The following CD163L1 variants were observed in gnomAD, a reference collection of about 807,000 sequenced individuals.
CD163L1 encodes the protein CD163 molecule like 1, also known as scavenger receptor cysteine-rich type 1 protein M160.
A neutral mutation model predicts 165.4 loss-of-function variants in CD163L1; 124 were observed. That is an observed-to-expected ratio of 0.75 (90% CI 0.65 to 0.87). The LOEUF (loss-of-function observed/expected upper bound fraction) is 0.87. Among genes scored for constraint, CD163L1 ranks in the 40% least tolerant of loss-of-function variants. CD163L1 has a pLI of 0.00. For missense variants in CD163L1, 1,525 were observed against 1,799.9 expected (o/e 0.85, Z 2.76); for synonymous variants, 585 against 662.2 (o/e 0.88, Z 1.79).
At chr12:7,399,321 CTCTCTCTTCTTTCAT>C (rs202111581) in intron 6 of CD163L1, among the ~76,000 whole-genome samples, 3,837 of 135,548 alleles carry the variant, frequency 0.028, 81 homozygotes, top group East Asian at 0.074. Flanking sequence ...TTTCTTTCTT[CTCTCTCTTCTTTCAT>C]TCTCTCTTCT....
Position 7,432,401 on chromosome 12 carries a change from G to A in CD163L1, c.766+15C>T, listed in dbSNP as rs1007697169. The stretch of plus-strand genomic sequence containing the variant: ...AAATTGTTCCTTTCTTCTACATGAT[G>A]TCTTGGGTTCTTACCATAACAAGTT... On this transcript the variant is annotated intron_variant, in intron 4 of 19. Coordinates refer to ENST00000313599, the MANE Select transcript of CD163L1 (RefSeq NM_174941.6). This position sits in a 1 kb window ranked among gnomAD's most constrained non-coding sequence, Gnocchi z 4.2. 9 of 1,577,216 alleles carry A rather than the reference G, an allele frequency of 5.7e-6. No individual in the cohort carries two copies. Among genetic ancestry groups the A allele is most frequent in the Non-Finnish European group, 7.8e-6 (9 of 1,151,988 alleles).
At chr12:7,435,089 TACAC>T (rs76941329) in intron 2 of CD163L1, among the ~76,000 whole-genome samples, 1 of 151,788 alleles carries the variant, frequency 6.6e-6, no homozygotes, top group African/African-American at 2.4e-5. Flanking sequence ...ATGTAGTTGA[TACAC>T]ACACACACAG....
chr12:7,435,455 A>G (rs1323454238), intron 2 of CD163L1, among the ~76,000 whole-genome samples: 2 of 151,982 alleles, frequency 1.3e-5, no homozygotes, highest in Non-Finnish European at 2.9e-5. Flanking sequence ...AGGCATGACC[A>G]TTAAATACAT....
intron 2 of CD163L1, among the ~76,000 whole-genome samples, chr12:7,437,157 T>A (rs965269279): frequency 1.4e-5 from 1 of 69,384 alleles, no homozygotes; most frequent in Non-Finnish European, 2.4e-5. Context: ...TATTATACTT[T>A]TATTTTTATT....
chr12:7,331,670 C>A, the CD163L1 span, among the ~76,000 whole-genome samples: 4 of 152,346 alleles, frequency 2.6e-5, no homozygotes, highest in East Asian at 7.7e-4. Flanking sequence ...CCTAGGCAAA[C>A]AGGGTCTGGA....
At position 7,374,542 on chromosome 12, in the gene CD163L1, C is replaced by G; in HGVS notation, c.3309G>C (p.Leu1103=). 6.2e-7 allele frequency: 1 copy of G among 1,614,208 alleles called. No homozygotes were observed. The highest frequency in any genetic ancestry group is 8.5e-7 in the Non-Finnish European group (1 of 1,180,034). The change falls in exon 13 of 20, where the codon CTG becomes CTC. Residue 1103 remains leucine, a synonymous_variant. Coordinates refer to ENST00000313599, the MANE Select transcript of CD163L1 (RefSeq NM_174941.6). The surrounding 1 kb of genome is among the most constrained non-coding windows in gnomAD (Gnocchi z 5.4). ...EGSGPIWLDD[L]NCTGMESHLW... ...AGTGGGACTCCATTCCTGTGCAGTT[C>G]AGGTCATCCAGCCAGATGGGCCCTG...
intron 4 of CD163L1, among the ~76,000 whole-genome samples, chr12:7,420,490 G>C (rs1165601421): frequency 1.3e-5 from 2 of 151,732 alleles, no homozygotes; most frequent in African/African-American, 4.8e-5. Context: ...GGATCTACAA[G>C]GAACTCAAAC....
chr12:7,389,276 T>G (rs1191749582), intron 8 of CD163L1, among the ~76,000 whole-genome samples: 1 of 152,240 alleles, frequency 6.6e-6, no homozygotes, highest in East Asian at 1.9e-4. Flanking sequence ...TGTTATTGCC[T>G]GTCTTTTGGA....
chr12:7,393,484 C>G (rs1947705728), intron 8 of CD163L1, among the ~76,000 whole-genome samples: 1 of 152,154 alleles, frequency 6.6e-6, no homozygotes, highest in Non-Finnish European at 1.5e-5. Context: ...TGGGCAAAAG[C>G]TGGAAGAATT....
intron 4 of CD163L1, among the ~76,000 whole-genome samples, chr12:7,414,943 A>G (rs1375768916): frequency 6.6e-6 from 1 of 152,158 alleles, no homozygotes; most frequent in Non-Finnish European, 1.5e-5. Context: ...TCTTCCTTAA[A>G]AGAAGTGCTA....
the CD163L1 span, chr12:7,322,493 G>A: frequency 1.9e-6 from 3 of 1,613,736 alleles, no homozygotes; most frequent in Non-Finnish European, 2.5e-6. Flanking sequence ...AGCAGTGGAG[G>A]GTGCAAACTG....
intron 18 of CD163L1, among the ~76,000 whole-genome samples, chr12:7,364,918 A>G (rs906348586): frequency 6.6e-6 from 1 of 152,184 alleles, no homozygotes; most frequent in Non-Finnish European, 1.5e-5. Flanking sequence ...AGAAATAGAG[A>G]TAACAATCAT....
chr12:7,384,254 GA>G (rs1293563490), intron 8 of CD163L1, among the ~76,000 whole-genome samples: 1 of 152,014 alleles, frequency 6.6e-6, no homozygotes, highest in Non-Finnish European at 1.5e-5. Context: ...GAAAAAGAAA[GA>G]AATTTTTTTT....
Position 7,347,766 on chromosome 12 carries a change from G to A in CD163L1, c.*25-619C>T, listed in dbSNP as rs935660297. On this transcript the variant is annotated intron_variant, in intron 4 of 4. Transcript: ENST00000539726. This position sits in a 1 kb window ranked among gnomAD's most constrained non-coding sequence, Gnocchi z 4.2. The stretch of plus-strand genomic sequence containing the variant: ...AGCCTGGGTGACAGAGCGAGACTCC[G>A]TCTCAAAAAAAAAAAGAAAAAGAAA... Among the ~76,000 whole-genome samples the A allele has an allele frequency of 4.0e-5, 6 of 150,666 alleles. No individual in the cohort carries two copies. The South Asian group carries it at 6.3e-4, about 16-fold the overall frequency.
At chr12:7,411,330 A>G (rs1418551943) in intron 4 of CD163L1, among the ~76,000 whole-genome samples, 1 of 152,186 alleles carries the variant, frequency 6.6e-6, no homozygotes, top group Non-Finnish European at 1.5e-5. Context: ...AATTATGATT[A>G]CCATTATTAT....
chr12:7,433,349 C>T (rs1168752010), intron 3 of CD163L1, 25 bp downstream of exon 3: 3 of 1,552,698 alleles, frequency 1.9e-6, no homozygotes, highest in African/African-American at 2.7e-5. Context: ...CTTACCTTGC[C>T]TTCCTACTCT....
At chr12:7,323,374 C>G in the CD163L1 span, 1 of 1,590,086 alleles carries the variant, frequency 6.3e-7, no homozygotes, top group Non-Finnish European at 8.6e-7. Flanking sequence ...TCCTTTTCTG[C>G]TATTCATTGC....
chr12:7,440,688 A>T (rs1271508586), intron 2 of CD163L1, among the ~76,000 whole-genome samples: 2 of 147,908 alleles, frequency 1.4e-5, no homozygotes, highest in African/African-American at 5.0e-5. Flanking sequence ...GTGTAGGGGC[A>T]CGATCTCGGC....
chr12:7,394,584 T>C (rs766139119), intron 8 of CD163L1, among the ~76,000 whole-genome samples: 2 of 152,148 alleles, frequency 1.3e-5, no homozygotes, highest in South Asian at 4.2e-4. Flanking sequence ...AAAGCCAAAA[T>C]TGACAAATGG....
Sources: allele counts gnomAD v4.1 joint callset (sites outside exome capture counted in the v4.1 genomes callset), GRCh38; gene constraint gnomAD v4.1.1; non-coding constraint Gnocchi (gnomAD v3.1); transcripts MANE v1.5; gene names NCBI Gene and HGNC (gene_info 2026-07-23, HGNC 2026-07-21).